The following LRMDA variants were observed in gnomAD, a reference collection of about 807,000 sequenced individuals.
LRMDA encodes the protein leucine-rich melanocyte differentiation-associated protein.
Under a neutral mutation model 29.8 loss-of-function variants are expected in LRMDA, and 18 were observed. That is an observed-to-expected ratio of 0.60 (90% CI 0.42 to 0.90). The LOEUF (loss-of-function observed/expected upper bound fraction) is 0.90, where lower values mean the gene tolerates loss of function less well. LRMDA is among the 40% of genes least tolerant of loss of function. The probability of loss-of-function intolerance (pLI) is 0.00; values close to 1 mark genes in which losing one functional copy is unlikely to be tolerated. For synonymous variants in LRMDA, 125 were observed against 109.4 expected (o/e 1.14, Z -0.89); for missense variants, 273 against 273.9 (o/e 1.00, Z 0.02).
intron 2 of LRMDA, among the ~76,000 whole-genome samples, chr10:75,839,282 G>C (rs1293333789): frequency 3.3e-5 from 5 of 152,338 alleles, no homozygotes; most frequent in African/African-American, 1.2e-4. Flanking sequence ...AGAGAGTGGA[G>C]CAAACAGATG....
chr10:76,453,315 T>C (rs1271782237), intron 6 of LRMDA, among the ~76,000 whole-genome samples: 1 of 152,176 alleles, frequency 6.6e-6, no homozygotes, highest in Non-Finnish European at 1.5e-5. Context: ...AGAGTAAGGA[T>C]TTGTCTATTT....
chr10:76,174,857 C>T (rs868589821), intron 5 of LRMDA, among the ~76,000 whole-genome samples: 15 of 150,322 alleles, frequency 1.0e-4, no homozygotes, highest in African/African-American at 2.7e-4. Flanking sequence ...CGGTGGCTCA[C>T]GCCTGTAATC....
chr10:75,865,732 A>C (rs749158866), intron 2 of LRMDA, among the ~76,000 whole-genome samples: 1 of 152,128 alleles, frequency 6.6e-6, no homozygotes, highest in Non-Finnish European at 1.5e-5. Context: ...CATTTGACTT[A>C]TATGGAGGAA....
chr10:76,268,458 C>T (rs1432418070), intron 5 of LRMDA, among the ~76,000 whole-genome samples: 7 of 152,166 alleles, frequency 4.6e-5, no homozygotes, highest in Non-Finnish European at 1.0e-4. Context: ...ATGGTATTTA[C>T]ACCTCTCTCT....
intron 5 of LRMDA, among the ~76,000 whole-genome samples, chr10:76,230,402 A>C (rs2132271600): frequency 6.6e-6 from 1 of 152,268 alleles, no homozygotes; most frequent in African/African-American, 2.4e-5. Context: ...GTAGTTTCAA[A>C]AAAAAGTAGA....
chr10:76,196,365 G>C (rs539979191), intron 5 of LRMDA, among the ~76,000 whole-genome samples: 134 of 152,362 alleles, frequency 8.8e-4, no homozygotes, highest in African/African-American at 3.1e-3. Context: ...AGCTCTCAGA[G>C]AGCAGGGACT....
At chr10:76,087,557 G>C (rs1849157266) in intron 5 of LRMDA, among the ~76,000 whole-genome samples, 1 of 152,266 alleles carries the variant, frequency 6.6e-6, no homozygotes, top group East Asian at 1.9e-4. Flanking sequence ...GTCCCTCAAA[G>C]CCAGGTCCTC....
At chr10:76,448,635 A>G (rs548744840) in intron 6 of LRMDA, among the ~76,000 whole-genome samples, 60 of 152,062 alleles carry the variant, frequency 3.9e-4, no homozygotes, top group African/African-American at 1.4e-3. Context: ...CTAATTCTTT[A>G]GCTGTATTTT....
Position 76,213,766 on chromosome 10 carries a change from G to A in LRMDA, c.517-110635G>A, listed in dbSNP as rs11001689. 4.9e-3 allele frequency among the ~76,000 whole-genome samples: 743 copies of A among 152,298 alleles called. 8 individuals are homozygous for A. The highest frequency in any genetic ancestry group is 0.024 in the Middle Eastern group (7 of 294). Reference sequence around the variant, plus strand: ...CCCTCCAGGAGGTTGCCAAGAAAAAGTTTTGTCCTTTAAAATTTGAAACAA... The same window carrying A: ...CCCTCCAGGAGGTTGCCAAGAAAAAATTTTGTCCTTTAAAATTTGAAACAA... On this transcript the variant is annotated intron_variant, in intron 5 of 6. Coordinates refer to ENST00000611255, the MANE Select transcript of LRMDA (RefSeq NM_001305581.2).
intron 5 of LRMDA, among the ~76,000 whole-genome samples, chr10:76,124,628 T>C (rs1451842050): frequency 6.6e-6 from 1 of 152,264 alleles, no homozygotes; most frequent in South Asian, 2.1e-4. Context: ...CCTTAGGACT[T>C]AGGCCCCTGT....
At chr10:76,363,225 A>T (rs376280874) in intron 6 of LRMDA, among the ~76,000 whole-genome samples, 1 of 29,502 alleles carries the variant, frequency 3.4e-5, no homozygotes, top group Non-Finnish European at 8.4e-5. Context: ...AAGAGAAAGA[A>T]AGAAAGAAAG....
intron 2 of LRMDA, among the ~76,000 whole-genome samples, chr10:75,722,044 G>A (rs1251946176): frequency 6.6e-6 from 1 of 152,016 alleles, no homozygotes. Flanking sequence ...ATAAAAAATG[G>A]CCCAAATCCC....
At chr10:75,726,811 C>A (rs1348377123) in intron 2 of LRMDA, among the ~76,000 whole-genome samples, 1 of 152,160 alleles carries the variant, frequency 6.6e-6, no homozygotes, top group Non-Finnish European at 1.5e-5. Flanking sequence ...TTGAGACATC[C>A]TCAGTCCCTG....
At chr10:76,431,370 TTC>T (rs1382142045) in intron 6 of LRMDA, among the ~76,000 whole-genome samples, 3 of 152,174 alleles carry the variant, frequency 2.0e-5, no homozygotes, top group Admixed American at 2.0e-4. Context: ...TACAGCTCAG[TTC>T]TCTCCTCACA....
At chr10:76,196,723 C>T (rs533541192) in intron 5 of LRMDA, among the ~76,000 whole-genome samples, 13 of 152,356 alleles carry the variant, frequency 8.5e-5, no homozygotes, top group African/African-American at 3.1e-4. Flanking sequence ...CACCTTAGAA[C>T]ATGCAATTCT....
At chr10:75,828,826 C>T (rs1219887971) in intron 2 of LRMDA, among the ~76,000 whole-genome samples, 1 of 152,152 alleles carries the variant, frequency 6.6e-6, no homozygotes, top group Non-Finnish European at 1.5e-5. Flanking sequence ...TTGGTGTTGT[C>T]CTCTTGAATC....
At position 75,759,378 on chromosome 10, in the gene LRMDA, T is replaced by G. The variant is rs542886491; in HGVS notation, c.132-276630T>G. The stretch of plus-strand genomic sequence containing the variant: ...CAGTCACTTAGATCCCTAATTAACT[T>G]ATACTCTATAGACCCATTTCTTTGC... On this transcript the variant is annotated intron_variant, in intron 2 of 6. Coordinates refer to ENST00000611255, the MANE Select transcript of LRMDA (RefSeq NM_001305581.2). Among the ~76,000 whole-genome samples, 25 of 152,358 alleles carry G rather than the reference T, an allele frequency of 1.6e-4. No homozygotes were observed. The South Asian group carries it at 4.3e-3, about 26-fold the overall frequency.
intron 6 of LRMDA, among the ~76,000 whole-genome samples, chr10:76,485,313 TG>T (rs1842770960): frequency 6.6e-6 from 1 of 151,924 alleles, no homozygotes; most frequent in African/African-American, 2.4e-5. Flanking sequence ...TAAAAATTTT[TG>T]TAGTGGTTGA....
intron 2 of LRMDA, among the ~76,000 whole-genome samples, chr10:76,024,175 C>T (rs1292479760): frequency 2.6e-5 from 4 of 152,200 alleles, no homozygotes; most frequent in Non-Finnish European, 5.9e-5. Context: ...CAACACATTC[C>T]CTATGAAAAC....
Sources: gnomAD v4.1 joint callset for allele counts (sites outside exome capture counted in the v4.1 genomes callset) on GRCh38, gnomAD v4.1.1 for gene constraint, MANE v1.5 for transcripts, NCBI Gene and HGNC (gene_info 2026-07-23, HGNC 2026-07-21) for gene names.